The following RASEF variants were observed in gnomAD, a reference collection of about 807,000 sequenced individuals.
RASEF encodes the protein RAS and EF-hand domain containing.
In RASEF, 68 loss-of-function variants were observed where a neutral mutation model predicts 90.1. The observed-to-expected ratio is 0.75, with a 90% CI of 0.62 to 0.92. RASEF has a LOEUF of 0.92. RASEF is among the 40% of genes least tolerant of loss of function. RASEF has a pLI of 0.00. For synonymous variants in RASEF, 331 were observed against 345.2 expected (o/e 0.96, Z 0.46); for missense variants, 949 against 937.2 (o/e 1.01, Z -0.16).
At chr9:83,124,726 A>C in the RASEF span, among the ~76,000 whole-genome samples, 2 of 151,510 alleles carry the variant, frequency 1.3e-5, no homozygotes, top group Non-Finnish European at 2.9e-5. Flanking sequence ...AAACTCAATG[A>C]TTATCTTTTT....
intron 1 of RASEF, 62 bp downstream of exon 1, chr9:83,062,375 A>G (rs1431448647): frequency 1.3e-6 from 2 of 1,546,554 alleles, no homozygotes; most frequent in Non-Finnish European, 1.8e-6. Context: ...ACCTGCAAGT[A>G]AGTGGGAAGA....
intron 2 of RASEF, among the ~76,000 whole-genome samples, chr9:83,024,044 C>T (rs1441966580): frequency 6.6e-6 from 1 of 152,310 alleles, no homozygotes. Context: ...CAGTGCAGAA[C>T]AAAATGGCCA....
intron 15 of RASEF, among the ~76,000 whole-genome samples, chr9:82,992,153 A>G (rs998861392): frequency 6.6e-6 from 1 of 152,098 alleles, no homozygotes; most frequent in African/African-American, 2.4e-5. Flanking sequence ...CGTATGCTAC[A>G]GAGTAGTCCT....
the RASEF span, among the ~76,000 whole-genome samples, chr9:83,200,000 TTAAG>T: frequency 6.6e-6 from 1 of 152,158 alleles, no homozygotes; most frequent in African/African-American, 2.4e-5. Context: ...TAAGACATGC[TTAAG>T]TAAGAAAGTG....
chr9:83,127,663 C>T, the RASEF span, among the ~76,000 whole-genome samples: 6 of 152,056 alleles, frequency 3.9e-5, no homozygotes, highest in African/African-American at 9.7e-5. Flanking sequence ...ATTTCCAAAG[C>T]GCCACAGATG....
Position 83,025,936 on chromosome 9 carries a change from A to C in RASEF, c.432-15T>G. 6.4e-7 allele frequency: 1 copy of C among 1,551,226 alleles called. No individual in the cohort carries two copies. On this transcript the variant is annotated splice_polypyrimidine_tract_variant and intron_variant, in intron 1 of 16. Transcript: ENST00000376447. Reference sequence around the variant, plus strand: ...CTTGCTCTTCTCTGCCAAATAAATAAATAAAAATTAAACCAATTATAAAAT... The same window carrying C: ...CTTGCTCTTCTCTGCCAAATAAATACATAAAAATTAAACCAATTATAAAAT...
At chr9:83,131,950 G>T in the RASEF span, among the ~76,000 whole-genome samples, 2 of 152,030 alleles carry the variant, frequency 1.3e-5, no homozygotes, top group Non-Finnish European at 2.9e-5. Flanking sequence ...CCCAAAGTAT[G>T]TTTCATAGAA....
At chr9:83,090,085 C>T in the RASEF span, among the ~76,000 whole-genome samples, 3,158 of 152,216 alleles carry the variant, frequency 0.021, 89 homozygotes, top group African/African-American at 0.071. Context: ...AACTTATCTT[C>T]GGGTTCATCA....
At chr9:83,068,636 T>C in the RASEF span, among the ~76,000 whole-genome samples, 47 of 152,304 alleles carry the variant, frequency 3.1e-4, no homozygotes, top group African/African-American at 8.7e-4. Flanking sequence ...AATCGACATA[T>C]TGATTTTAGC....
At chr9:83,071,669 G>T in the RASEF span, among the ~76,000 whole-genome samples, 1 of 152,152 alleles carries the variant, frequency 6.6e-6, no homozygotes, top group Non-Finnish European at 1.5e-5. Flanking sequence ...GCCTCCTGAA[G>T]TGCTGGGATT....
the RASEF span, among the ~76,000 whole-genome samples, chr9:83,158,693 T>G: frequency 6.7e-6 from 1 of 148,656 alleles, no homozygotes; most frequent in Non-Finnish European, 1.5e-5. Flanking sequence ...TATACATATA[T>G]GTATATATTT....
At position 83,004,507 on chromosome 9, in the gene RASEF, C is replaced by G; in HGVS notation, c.1193G>C (p.Gly398Ala). The change falls in exon 9 of 17, where the codon GGC becomes GCC. Residue 398 changes from glycine (G) to alanine (A), a missense_variant. By Grantham distance (60) the Gly-to-Ala change is moderately conservative (BLOSUM62 0). This residue lies in a region of RASEF where 656 missense variants were observed against 592.2 expected (regional missense o/e 1.11). Coordinates refer to ENST00000376447, the MANE Select transcript of RASEF (RefSeq NM_152573.4). ...AGACGAGTTAACATACCTGTCATAGCCTAGAGGTTGAGGGGAATGACCAAT... is the reference window on the plus strand; with the variant it reads ...AGACGAGTTAACATACCTGTCATAGGCTAGAGGTTGAGGGGAATGACCAAT... ...KFIGHSPQPL[G>A]YDRSSRSSYV... is the part of the protein sequence containing the mutation. 6.3e-7 allele frequency: 1 copy of G among 1,592,216 alleles called. No homozygotes were observed. The highest frequency in any genetic ancestry group is 8.6e-7 in the Non-Finnish European group (1 of 1,160,302).
At chr9:82,990,642 A>G (rs911226404) in intron 15 of RASEF, among the ~76,000 whole-genome samples, 175 bp from the exon 16 acceptor site, 1 of 152,238 alleles carries the variant, frequency 6.6e-6, no homozygotes, top group Non-Finnish European at 1.5e-5. Flanking sequence ...GTTTAAGCAT[A>G]GTTACTCCAG....
rs1301456559 is a variant in RASEF, at chr9:83,041,150, C to T, written c.432-15229G>A. 4.6e-5 allele frequency among the ~76,000 whole-genome samples: 7 copies of T among 152,226 alleles called. No individual in the cohort carries two copies. In the East Asian group the frequency reaches 5.8e-4, roughly 13 times the overall value. On this transcript the variant is annotated intron_variant, in intron 1 of 16. Transcript: ENST00000376447. ...TGCTGGGATTACAGGCATGCGCCACCGTGCCCGGTGCTCTGGCCTTTTTAA... is the reference window on the plus strand; with the variant it reads ...TGCTGGGATTACAGGCATGCGCCACTGTGCCCGGTGCTCTGGCCTTTTTAA...
chr9:83,113,633 T>C, the RASEF span, among the ~76,000 whole-genome samples: 3 of 152,160 alleles, frequency 2.0e-5, no homozygotes, highest in Non-Finnish European at 4.4e-5. Context: ...GGGAGGTCTA[T>C]AGATGGCCGC....
At chr9:83,081,874 G>C in the RASEF span, among the ~76,000 whole-genome samples, 3 of 152,114 alleles carry the variant, frequency 2.0e-5, no homozygotes, top group South Asian at 4.2e-4. Flanking sequence ...AATGTAACTG[G>C]TTTTGAATTC....
At chr9:83,160,379 T>C in the RASEF span, among the ~76,000 whole-genome samples, 1 of 152,132 alleles carries the variant, frequency 6.6e-6, no homozygotes, top group Non-Finnish European at 1.5e-5. Context: ...AAAAGGTGAC[T>C]CTAGTTATGT....
Position 82,999,984 on chromosome 9 carries a change from GACACACACACACACACAC to G in RASEF, c.1723+167_1723+184del, listed in dbSNP as rs55873985. 5.5e-3 allele frequency among the ~76,000 whole-genome samples: 782 copies of G among 140,948 alleles called. 2 individuals carry two copies. Among genetic ancestry groups the G allele is most frequent in the South Asian group, 0.02 (85 of 4,206 alleles). The allele number at this position is 140,948 out of a possible 152,430, so 92.5% of individuals were successfully genotyped here. ...AGAAAGACCTTTCCATAGACTAGGAGACACACACACACACACACACACACACACACACACACACACACA... is the reference window on the plus strand; with the variant it reads ...AGAAAGACCTTTCCATAGACTAGGAGACACACACACACACACACACACACA... On this transcript the variant is annotated intron_variant, in intron 12 of 16. Transcript: ENST00000376447.
At chr9:82,991,120 C>T (rs967784653) in intron 15 of RASEF, among the ~76,000 whole-genome samples, 1 of 152,102 alleles carries the variant, frequency 6.6e-6, no homozygotes, top group Non-Finnish European at 1.5e-5. Context: ...ACTCATCCCC[C>T]ACTCACTCAC....
Sources: allele counts gnomAD v4.1 joint callset (sites outside exome capture counted in the v4.1 genomes callset), GRCh38; gene constraint gnomAD v4.1.1; regional missense constraint gnomAD v4.1.1; transcripts MANE v1.5; gene names NCBI Gene and HGNC (gene_info 2026-07-23, HGNC 2026-07-21).